Variants in RABGEF1 observed in about 807,000 individuals in gnomAD.
RABGEF1 encodes RAB guanine nucleotide exchange factor 1, also known as rab5 GDP/GTP exchange factor.
In RABGEF1, 26 loss-of-function variants were observed where a neutral mutation model predicts 57.3. That is an observed-to-expected ratio of 0.45 (90% confidence interval 0.33 to 0.63). The LOEUF (loss-of-function observed/expected upper bound fraction) is 0.63, where lower values mean the gene tolerates loss of function less well. Ranked by LOEUF, RABGEF1 falls within the 20% of genes least tolerant of loss-of-function variation. RABGEF1 has a pLI of 0.02. For synonymous variants in RABGEF1, 185 were observed against 210.7 expected, an observed-to-expected ratio of 0.88 and a Z score of 1.06; for missense variants, 464 against 607.6, an observed-to-expected ratio of 0.76 and a Z score of 2.48.
At chr7:66,677,342 TAGG>T (rs1350169135), upstream of RABGEF1, among the ~76,000 whole-genome samples, 2 of 151,980 alleles carry the variant, frequency 1.3e-5, no homozygotes. Flanking sequence ...GAAACAAAGG[TAGG>T]AGGATAACTT....
At chr7:66,744,193 G>A (rs112915240) in intron 1 of RABGEF1, among the ~76,000 whole-genome samples, 1,667 of 151,634 alleles carry the variant, frequency 0.011, 24 homozygotes, top group African/African-American at 0.038. Context: ...ATAGGCGCGC[G>A]CCACCACGCC....
chr7:66,674,439 C>T, the RABGEF1 span, among the ~76,000 whole-genome samples: 3 of 152,160 alleles, frequency 2.0e-5, no homozygotes, highest in Non-Finnish European at 4.4e-5. Context: ...CCACCCACTT[C>T]GGCCTCCGAA....
chr7:66,664,260 G>A, the RABGEF1 span, among the ~76,000 whole-genome samples: 1 of 151,968 alleles, frequency 6.6e-6, no homozygotes, highest in African/African-American at 2.4e-5. Flanking sequence ...AGTGAAATGT[G>A]TAAACAGTGA....
At position 66,808,959 on chromosome 7, in the gene RABGEF1, A is replaced by G. The variant is rs771152566; in HGVS notation, c.1151A>G (p.Tyr384Cys). 1.7e-5 allele frequency: 28 copies of G among 1,614,006 alleles called. 1 individual carries two copies. Among genetic ancestry groups the G allele is most frequent in the East Asian group, 1.6e-4 (7 of 44,876 alleles). Residue 384 changes from tyrosine to cysteine, a missense_variant, in exon 9 of 9, where the codon TAC becomes TGC. Coordinates refer to ENST00000284957, the MANE Select transcript of RABGEF1 (RefSeq NM_014504.3). ...CTAAGTCAGGAGGATTTTGATCGCTACATGTCTGGCCAGACCTCTCCCAGG... is the reference window on the plus strand; with the variant it reads ...CTAAGTCAGGAGGATTTTGATCGCTGCATGTCTGGCCAGACCTCTCCCAGG... ...LNLSQEDFDR[Y>C]MSGQTSPRKQ...
chr7:66,783,185 T>G (rs947408364), intron 3 of RABGEF1, among the ~76,000 whole-genome samples: 3 of 152,240 alleles, frequency 2.0e-5, no homozygotes, highest in African/African-American at 7.2e-5. Flanking sequence ...GGTAAATAAT[T>G]GTGAGTCTCC....
At chr7:66,701,319 C>T (rs1241933716) in intron 1 of RABGEF1, among the ~76,000 whole-genome samples, 2 of 152,010 alleles carry the variant, frequency 1.3e-5, no homozygotes, top group Non-Finnish European at 2.9e-5. Flanking sequence ...GGCAACATAG[C>T]GAGACCTCCA....
intron 5 of RABGEF1, 48 bp downstream of exon 5, chr7:66,795,640 C>T (rs779863337): frequency 6.8e-7 from 1 of 1,477,584 alleles, no homozygotes; most frequent in South Asian, 1.1e-5. Flanking sequence ...ACAGGGATGA[C>T]TGCTCAGTCT....
At chr7:66,736,251 A>G (rs184526421), upstream of RABGEF1, among the ~76,000 whole-genome samples, 2 of 152,342 alleles carry the variant, frequency 1.3e-5, no homozygotes, top group African/African-American at 4.8e-5. Flanking sequence ...TCCCCAGAAA[A>G]TTACTATGGA....
the RABGEF1 span, among the ~76,000 whole-genome samples, chr7:66,665,917 G>A: frequency 2.6e-5 from 4 of 152,208 alleles, no homozygotes; most frequent in Non-Finnish European, 4.4e-5. Flanking sequence ...ATGTTAGAAC[G>A]GAGGGACTGC....
chr7:66,701,292 C>T (rs1029983695), intron 1 of RABGEF1, among the ~76,000 whole-genome samples: 3 of 152,076 alleles, frequency 2.0e-5, no homozygotes, highest in African/African-American at 2.4e-5. Flanking sequence ...TGAGCCCAGG[C>T]GCTTGAGACT....
Position 66,799,209 on chromosome 7 carries a change from C to T in RABGEF1, c.729-114C>T, listed in dbSNP as rs574589063. ...TACTTGCAGGGGTGATGTGTGTGGG[C>T]CTGGGATTGAGTGGTCAGTGATGCC... On this transcript the variant is annotated intron_variant, in intron 6 of 8. Transcript: ENST00000284957. 1.4e-5 allele frequency: 10 copies of T among 719,762 alleles called. No homozygotes were observed. The Admixed American group carries it at 1.7e-4, about 12-fold the overall frequency. 44.6% of individuals were successfully genotyped at this position (719,762 alleles called of 1,614,324 possible).
chr7:66,808,841 G>T, intron 8 of RABGEF1, 45 bp from the exon 9 acceptor site: 1 of 1,469,122 alleles, frequency 6.8e-7, no homozygotes, highest in Non-Finnish European at 9.3e-7. Context: ...ACTCGAGTAT[G>T]CATAGCTTTC....
At chr7:66,700,357 G>A (rs184397639) in intron 1 of RABGEF1, among the ~76,000 whole-genome samples, 16 of 152,312 alleles carry the variant, frequency 1.1e-4, no homozygotes, top group South Asian at 4.1e-4. Flanking sequence ...GTAGGGTTGC[G>A]TTCCTGACAT....
At chr7:66,781,150 T>C (rs1308330946) in intron 3 of RABGEF1, among the ~76,000 whole-genome samples, 1 of 152,172 alleles carries the variant, frequency 6.6e-6, no homozygotes, top group African/African-American at 2.4e-5. Context: ...CACATCTTTA[T>C]CTCCACTATC....
chr7:66,722,866 C>T (rs1291368588), intron 2 of RABGEF1, among the ~76,000 whole-genome samples: 2 of 152,198 alleles, frequency 1.3e-5, no homozygotes, highest in Non-Finnish European at 2.9e-5. Flanking sequence ...ATCTGTACAT[C>T]ATTTTAGGGA....
intron 2 of RABGEF1, among the ~76,000 whole-genome samples, chr7:66,774,736 G>A (rs1288541958): frequency 6.6e-6 from 1 of 152,086 alleles, no homozygotes; most frequent in East Asian, 1.9e-4. Context: ...CTCCAGCCTG[G>A]GCGATGGAGT....
intron 1 of RABGEF1, among the ~76,000 whole-genome samples, chr7:66,696,616 G>C (rs1194384723): frequency 6.6e-6 from 1 of 151,512 alleles, no homozygotes; most frequent in African/African-American, 2.4e-5. Context: ...CTTGAACCCA[G>C]GAGGTGGAGG....
At chr7:66,670,120 C>T in the RABGEF1 span, among the ~76,000 whole-genome samples, 7 of 152,248 alleles carry the variant, frequency 4.6e-5, no homozygotes, top group Admixed American at 6.5e-5. Flanking sequence ...GCACCAAAAT[C>T]GACACCCCCC....
chr7:66,739,657 CAAAAAAAAAAAAAAAA>C (rs10554809), upstream of RABGEF1, among the ~76,000 whole-genome samples: 1 of 80,400 alleles, frequency 1.2e-5, no homozygotes. Context: ...GTGAGAGTCT[CAAAAAAAAAAAAAAAA>C]AAAAAAAAAA....
Sources: allele counts gnomAD v4.1 joint callset (sites outside exome capture counted in the v4.1 genomes callset), GRCh38; gene constraint gnomAD v4.1.1; transcripts MANE v1.5; gene names NCBI Gene and HGNC (gene_info 2026-07-23, HGNC 2026-07-21).